Variants in ITSN2 observed in about 807,000 individuals in gnomAD.
The protein encoded by ITSN2 is intersectin 2, also known as intersectin-2.
ITSN2 carries 156 observed loss-of-function variants against 243.7 expected under a neutral mutation model. That is an observed-to-expected ratio of 0.64 (90% CI 0.56 to 0.73). The LOEUF (loss-of-function observed/expected upper bound fraction) is 0.73, where lower values mean the gene tolerates loss of function less well. Among genes scored for constraint, ITSN2 ranks in the 30% least tolerant of loss-of-function variants. ITSN2 has a pLI of 0.00. For synonymous variants in ITSN2, 703 were observed against 699.9 expected (o/e 1.00, Z -0.07); for missense variants, 1,801 against 1,996.1 (o/e 0.90, Z 1.86).
chr2:24,253,304 C>G (rs1215054106), intron 24 of ITSN2, among the ~76,000 whole-genome samples: 19 of 147,768 alleles, frequency 1.3e-4, no homozygotes, highest in Admixed American at 7.0e-4. Flanking sequence ...CCCAGTATTA[C>G]TCAATTAATT....
intron 7 of ITSN2, chr2:24,309,063 G>C (rs1482487407): frequency 4.1e-6 from 1 of 245,808 alleles, no homozygotes; most frequent in Non-Finnish European, 9.3e-6. Context: ...AATGCCTGAT[G>C]ATCTGAGATG....
intron 3 of ITSN2, 37 bp from the exon 4 acceptor site, chr2:24,313,560 A>G: frequency 6.7e-7 from 1 of 1,481,734 alleles, no homozygotes; most frequent in Non-Finnish European, 9.4e-7. Flanking sequence ...GCAGCACATT[A>G]GTAAATGAAA....
chr2:24,332,898 C>A (rs745803447), intron 1 of ITSN2, among the ~76,000 whole-genome samples: 47 of 152,272 alleles, frequency 3.1e-4, no homozygotes, highest in South Asian at 4.1e-4. Context: ...TGTACTGTGT[C>A]ATGCTGAGTA....
intron 13 of ITSN2, among the ~76,000 whole-genome samples, chr2:24,298,409 G>T (rs1172315582): frequency 1.3e-5 from 2 of 151,998 alleles, no homozygotes; most frequent in East Asian, 3.9e-4. Context: ...ACCCACCTCA[G>T]CCTCCCAAAG....
intron 3 of ITSN2, among the ~76,000 whole-genome samples, chr2:24,314,603 T>G (rs1379705260): frequency 6.6e-6 from 1 of 152,242 alleles, no homozygotes; most frequent in Non-Finnish European, 1.5e-5. Context: ...TCATAGTTAC[T>G]ATTATTGTAT....
chr2:24,210,719 G>A (rs569347426), intron 34 of ITSN2, 61 bp downstream of exon 34: 24 of 1,524,374 alleles, frequency 1.6e-5, no homozygotes, highest in African/African-American at 8.2e-5. Context: ...GGGAAGGCTC[G>A]GAGCTGGTTC....
intron 12 of ITSN2, among the ~76,000 whole-genome samples, chr2:24,299,025 T>A (rs1398342846): frequency 6.9e-6 from 1 of 144,638 alleles, no homozygotes; most frequent in Non-Finnish European, 1.5e-5. Flanking sequence ...CTTCACGAGA[T>A]CTTTTTTTTT....
intron 30 of ITSN2, chr2:24,220,219 G>A: frequency 1.9e-6 from 1 of 523,084 alleles, no homozygotes; most frequent in South Asian, 8.4e-5. Flanking sequence ...GTGTGTGGGG[G>A]TAGGGGACGC....
rs1668663877 is a variant in ITSN2 at position 24,204,666 on chromosome 2, A to G, written c.4763-248T>C. 1.6e-6 allele frequency: 1 copy of G among 609,276 alleles called. No homozygotes were observed. Among genetic ancestry groups the G allele is most frequent in the East Asian group, 3.5e-5 (1 of 28,550 alleles). 37.7% of individuals were successfully genotyped at this position (609,276 alleles called of 1,614,324 possible). On this transcript the variant is annotated intron_variant, in intron 38 of 39. Coordinates refer to ENST00000355123, the MANE Select transcript of ITSN2 (RefSeq NM_006277.3). This position sits in a 1 kb window ranked among gnomAD's most constrained non-coding sequence, Gnocchi z 5.1. ...CGCCAGGACCACTCCGCACGGAACA[A>G]TCCTGGGTGAGTGTCACTGCAACCT...
chr2:24,223,168 G>A (rs545454775), intron 29 of ITSN2, among the ~76,000 whole-genome samples: 19 of 152,274 alleles, frequency 1.2e-4, no homozygotes, highest in African/African-American at 4.1e-4. Context: ...GCAGCAGAGC[G>A]AAGGCGCACC....
At position 24,203,489 on chromosome 2, in the gene ITSN2, A is replaced by C; in HGVS notation, c.*137T>G. On this transcript the variant is annotated 3_prime_UTR_variant, in exon 40 of 40. Transcript: ENST00000355123. ...GATTGCTAGCTATTTAGTGTGCAGG[A>C]AAACAGAGCCCCCAGCGTGCATGGC... 1 of 832,482 alleles carries C rather than the reference A, an allele frequency of 1.2e-6. No individual in the cohort carries two copies. The highest frequency in any genetic ancestry group is 2.7e-5 in the East Asian group (1 of 37,298). The allele number at this position is 832,482 out of a possible 1,614,324, so 51.6% of individuals were successfully genotyped here. A position where few individuals can be genotyped will look rare whatever the true frequency, so the allele number is the denominator to read the frequency against.
chr2:24,285,937 A>C (rs990518268), intron 16 of ITSN2, among the ~76,000 whole-genome samples: 1 of 152,212 alleles, frequency 6.6e-6, no homozygotes, highest in Non-Finnish European at 1.5e-5. Context: ...AATACTGACA[A>C]AGGCAATTGT....
At chr2:24,308,590 T>C in intron 8 of ITSN2, 27 bp downstream of exon 8, 9 of 1,345,126 alleles carry the variant, frequency 6.7e-6, no homozygotes, top group Non-Finnish European at 8.7e-6. Context: ...CCCTTTTTCA[T>C]GCTCTTCAGC....
chr2:24,230,227 C>T (rs751423901), intron 29 of ITSN2, among the ~76,000 whole-genome samples: 4 of 152,230 alleles, frequency 2.6e-5, no homozygotes, highest in Non-Finnish European at 4.4e-5. Flanking sequence ...ATCTCTCCAG[C>T]TGCTCACGCC....
intron 1 of ITSN2, among the ~76,000 whole-genome samples, chr2:24,332,559 T>C (rs376112506): frequency 2.6e-5 from 4 of 152,208 alleles, no homozygotes; most frequent in Admixed American, 6.5e-5. Flanking sequence ...GGTACCATAT[T>C]ATATGTAACA....
chr2:24,315,713 G>C lies in ITSN2; in HGVS notation c.32-489C>G, dbSNP rs992359565. On this transcript the variant is annotated intron_variant, in intron 2 of 39. Transcript: ENST00000355123. The stretch of plus-strand genomic sequence containing the variant: ...TCTCCCTTGTTGTTTTTGTGATAAT[G>C]AGTGAGTTCCTCACAATAGCTGATG... 3.3e-5 allele frequency among the ~76,000 whole-genome samples: 5 copies of C among 152,046 alleles called. No individual in the cohort carries two copies. In the Admixed American group the frequency reaches 3.3e-4, roughly 10 times the overall value.
At chr2:24,255,979 G>A (rs893889144) in intron 23 of ITSN2, among the ~76,000 whole-genome samples, 1 of 152,184 alleles carries the variant, frequency 6.6e-6, no homozygotes, top group Admixed American at 6.5e-5. Flanking sequence ...CTTGAACCCG[G>A]GAGGTGGAGG....
At chr2:24,323,699 C>A (rs1436336537) in intron 2 of ITSN2, among the ~76,000 whole-genome samples, 1 of 152,110 alleles carries the variant, frequency 6.6e-6, no homozygotes, top group African/African-American at 2.4e-5. Context: ...GTGAATTATA[C>A]CCCCAATAAA....
intron 1 of ITSN2, among the ~76,000 whole-genome samples, chr2:24,339,837 G>A (rs1686848676): frequency 6.6e-6 from 1 of 151,926 alleles, no homozygotes; most frequent in Non-Finnish European, 1.5e-5. Flanking sequence ...GACTAGCCTG[G>A]GCAACACAGG....
Sources: gnomAD v4.1 joint callset for allele counts (sites outside exome capture counted in the v4.1 genomes callset) on GRCh38, gnomAD v4.1.1 for gene constraint, Gnocchi (gnomAD v3.1) non-coding constraint, MANE v1.5 for transcripts, NCBI Gene and HGNC (gene_info 2026-07-23, HGNC 2026-07-21) for gene names.